The following HEMK2 variants were observed in gnomAD, a reference collection of about 807,000 sequenced individuals.
The protein encoded by HEMK2 is HemK methyltransferase 2, ETF1 glutamine and histone H4 lysine, also known as methyltransferase HEMK2.
chr21:28,685,468 G>A, the HEMK2 span, among the ~76,000 whole-genome samples: 2 of 152,072 alleles, frequency 1.3e-5, no homozygotes, highest in African/African-American at 2.4e-5. Flanking sequence ...TAAAGGCTGT[G>A]GTAAAGTGGA....
chr21:28,717,370 G>A, the HEMK2 span, among the ~76,000 whole-genome samples: 1 of 151,960 alleles, frequency 6.6e-6, no homozygotes, highest in Admixed American at 6.6e-5. Context: ...GTCTTTCCAG[G>A]AACTTACCCA....
the HEMK2 span, among the ~76,000 whole-genome samples, chr21:28,822,859 ACGTC>A: frequency 1.4e-5 from 2 of 146,284 alleles, no homozygotes; most frequent in African/African-American, 5.5e-5. Context: ...CCAGATATTA[ACGTC>A]CATTACTCCA....
chr21:28,782,907 C>G, the HEMK2 span, among the ~76,000 whole-genome samples: 2 of 151,960 alleles, frequency 1.3e-5, no homozygotes, highest in Non-Finnish European at 2.9e-5. Context: ...TTTAAATGGC[C>G]AATCTCTCTA....
At chr21:28,724,295 C>A in the HEMK2 span, among the ~76,000 whole-genome samples, 1 of 152,206 alleles carries the variant, frequency 6.6e-6, no homozygotes, top group Admixed American at 6.5e-5. Context: ...TTAAACACTT[C>A]TCTAAAAAAT....
the HEMK2 span, among the ~76,000 whole-genome samples, chr21:28,858,975 G>A: frequency 6.6e-6 from 1 of 152,160 alleles, no homozygotes; most frequent in African/African-American, 2.4e-5. Flanking sequence ...AAGACTCTGG[G>A]TTCCAATTCT....
the HEMK2 span, among the ~76,000 whole-genome samples, chr21:28,871,156 T>C: frequency 6.6e-6 from 1 of 152,186 alleles, no homozygotes; most frequent in African/African-American, 2.4e-5. Context: ...AGTGTAAACC[T>C]TTATCATTCT....
the HEMK2 span, among the ~76,000 whole-genome samples, chr21:28,769,545 AAG>A: frequency 1.8e-4 from 28 of 152,234 alleles, no homozygotes; most frequent in Admixed American, 1.1e-3. Context: ...TTATTAAAGT[AAG>A]GTTGTGGATT....
chr21:28,620,957 C>A, the HEMK2 span, among the ~76,000 whole-genome samples: 2 of 151,982 alleles, frequency 1.3e-5, no homozygotes, highest in Non-Finnish European at 2.9e-5. Flanking sequence ...AGGCATGAGC[C>A]ACCGCACCTG....
chr21:28,883,318 T>A, the HEMK2 span, among the ~76,000 whole-genome samples: 2 of 152,344 alleles, frequency 1.3e-5, no homozygotes, highest in South Asian at 4.1e-4. Context: ...AACATGGCTT[T>A]CAGTTAATTT....
the HEMK2 span, among the ~76,000 whole-genome samples, chr21:28,865,079 T>A: frequency 6.6e-6 from 1 of 152,132 alleles, no homozygotes; most frequent in Non-Finnish European, 1.5e-5. Flanking sequence ...ACCACAGCAG[T>A]CTCAAGAGGG....
chr21:28,746,897 G>GT, the HEMK2 span, among the ~76,000 whole-genome samples: 186 of 152,292 alleles, frequency 1.2e-3, 2 homozygotes, highest in Non-Finnish European at 2.1e-3. Context: ...GTGCAATGAG[G>GT]TTTTTTACCA....
At chr21:28,704,843 C>T in the HEMK2 span, among the ~76,000 whole-genome samples, 1 of 152,130 alleles carries the variant, frequency 6.6e-6, no homozygotes, top group Non-Finnish European at 1.5e-5. Flanking sequence ...TGAATGTAAA[C>T]ACAACTTAAT....
chr21:28,798,183 G>A, the HEMK2 span, among the ~76,000 whole-genome samples: 8 of 152,246 alleles, frequency 5.3e-5, no homozygotes, highest in East Asian at 1.9e-4. Flanking sequence ...GACAGGTTCC[G>A]AGTATGTGAA....
chr21:28,622,806 T>G, the HEMK2 span, among the ~76,000 whole-genome samples: 1 of 152,170 alleles, frequency 6.6e-6, no homozygotes, highest in African/African-American at 2.4e-5. Flanking sequence ...ACTGGGCCCC[T>G]TCTTTACACC....
the HEMK2 span, among the ~76,000 whole-genome samples, chr21:28,678,095 C>A: frequency 6.6e-6 from 1 of 152,164 alleles, no homozygotes; most frequent in Non-Finnish European, 1.5e-5. Context: ...TCAAACTACT[C>A]TGAGCTAAAG....
At chr21:28,823,074 T>C in the HEMK2 span, among the ~76,000 whole-genome samples, 1 of 152,174 alleles carries the variant, frequency 6.6e-6, no homozygotes, top group Non-Finnish European at 1.5e-5. Context: ...GGAAGAGAGA[T>C]GGCTATCAAG....
the HEMK2 span, among the ~76,000 whole-genome samples, chr21:28,814,180 T>C: frequency 6.6e-6 from 1 of 151,998 alleles, no homozygotes; most frequent in Non-Finnish European, 1.5e-5. Flanking sequence ...GAGGTTGCAG[T>C]GAGCCGAGAT....
At chr21:28,735,575 T>C in the HEMK2 span, among the ~76,000 whole-genome samples, 1 of 151,912 alleles carries the variant, frequency 6.6e-6, no homozygotes, top group South Asian at 2.1e-4. Flanking sequence ...AGGCTTCCCA[T>C]AAACTCAGAA....
chr21:28,858,109 T>C, the HEMK2 span, among the ~76,000 whole-genome samples: 1 of 152,202 alleles, frequency 6.6e-6, no homozygotes, highest in Non-Finnish European at 1.5e-5. Flanking sequence ...TATTTGAATA[T>C]GTCTCTTATC....
Sources: allele counts gnomAD v4.1 joint callset (sites outside exome capture counted in the v4.1 genomes callset), GRCh38; gene constraint gnomAD v4.1.1; transcripts MANE v1.5; gene names NCBI Gene and HGNC (gene_info 2026-07-23, HGNC 2026-07-21).